RBFOX1: variants seen among roughly 807,000 people sequenced by gnomAD.
RBFOX1 encodes RNA binding protein fox-1 homolog 1.
Under a neutral mutation model 57.7 loss-of-function variants are expected in RBFOX1, and 8 were observed. The observed-to-expected ratio is 0.14, with a 90% confidence interval of 0.08 to 0.25. The LOEUF (loss-of-function observed/expected upper bound fraction) is 0.25. Ranked by LOEUF, RBFOX1 falls within the 10% of genes least tolerant of loss-of-function variation. RBFOX1 has a pLI of 1.00. For missense variants in RBFOX1, 611 were observed against 548.5 expected, an observed-to-expected ratio of 1.11 and a Z score of -1.14; for synonymous variants, 326 against 222.4, an observed-to-expected ratio of 1.47 and a Z score of -4.15.
intron 4 of RBFOX1, among the ~76,000 whole-genome samples, chr16:7,367,034 G>C (rs1456534738): frequency 6.6e-6 from 1 of 151,786 alleles, no homozygotes; most frequent in African/African-American, 2.4e-5. Context: ...TTTCTGGCTT[G>C]ATTCCCTCCC....
intron 5 of RBFOX1, among the ~76,000 whole-genome samples, chr16:7,557,013 A>G (rs562141877): frequency 1.2e-4 from 18 of 152,304 alleles, no homozygotes; most frequent in African/African-American, 4.3e-4. Flanking sequence ...TGAAACACCA[A>G]TTATATCAAT....
intron 3 of RBFOX1, among the ~76,000 whole-genome samples, chr16:6,890,746 T>G (rs905076867): frequency 1.3e-5 from 2 of 152,200 alleles, no homozygotes; most frequent in Non-Finnish European, 2.9e-5. Flanking sequence ...GTGCCTAAAT[T>G]CACTGTCACC....
intron 4 of RBFOX1, among the ~76,000 whole-genome samples, chr16:7,169,092 C>T (rs1256726615): frequency 6.6e-6 from 1 of 152,148 alleles, no homozygotes; most frequent in Non-Finnish European, 1.5e-5. Context: ...GCAAATCATT[C>T]AGTGTCTCAG....
intron 1 of RBFOX1, among the ~76,000 whole-genome samples, chr16:6,168,359 T>C (rs1016374302): frequency 6.6e-6 from 1 of 152,312 alleles, no homozygotes; most frequent in Non-Finnish European, 1.5e-5. Context: ...TTCTCTAGCT[T>C]AAGTATGAAC....
chr16:7,605,000 T>C (rs1568052233), intron 9 of RBFOX1, among the ~76,000 whole-genome samples: 1 of 152,168 alleles, frequency 6.6e-6, no homozygotes, highest in Admixed American at 6.5e-5. Context: ...TCATTTAATA[T>C]GACCCCATAT....
At chr16:6,143,820 G>T (rs2096737039) in intron 1 of RBFOX1, among the ~76,000 whole-genome samples, 1 of 151,982 alleles carries the variant, frequency 6.6e-6, no homozygotes, top group African/African-American at 2.4e-5. Flanking sequence ...TTTAGAGACA[G>T]GGTCTTGCTC....
At chr16:5,508,303 C>G (rs1164420816) in intron 2 of RBFOX1, among the ~76,000 whole-genome samples, 1 of 152,280 alleles carries the variant, frequency 6.6e-6, no homozygotes, top group Non-Finnish European at 1.5e-5. Context: ...GATCCACTGA[C>G]ATTGCTCAGG....
chr16:7,550,673 T>G (rs1190806526), intron 5 of RBFOX1, among the ~76,000 whole-genome samples: 1 of 152,114 alleles, frequency 6.6e-6, no homozygotes, highest in African/African-American at 2.4e-5. Context: ...GTACTATGCC[T>G]CTGGACGAAT....
chr16:5,632,829 G>A (rs541558645), intron 3 of RBFOX1, among the ~76,000 whole-genome samples: 66 of 152,248 alleles, frequency 4.3e-4, no homozygotes, highest in Non-Finnish European at 6.9e-4. Context: ...TATAAGCTGG[G>A]AGAACTGCAG....
At chr16:7,154,089 G>A (rs2076617275) in intron 4 of RBFOX1, among the ~76,000 whole-genome samples, 1 of 152,038 alleles carries the variant, frequency 6.6e-6, no homozygotes, top group Admixed American at 6.6e-5. Context: ...AACTTACAGG[G>A]GAATATTAGC....
At chr16:5,457,854 C>T (rs753082142) in intron 1 of RBFOX1, among the ~76,000 whole-genome samples, 68 of 152,244 alleles carry the variant, frequency 4.5e-4, no homozygotes, top group Non-Finnish European at 8.7e-4. Context: ...TTCTTTCTTC[C>T]CAGCAGATTT....
intron 4 of RBFOX1, among the ~76,000 whole-genome samples, chr16:7,120,730 A>C (rs1055094769): frequency 2.7e-5 from 4 of 150,426 alleles, no homozygotes; most frequent in African/African-American, 4.9e-5. Context: ...TCTCTTACAG[A>C]AAATAGAAGT....
At chr16:6,190,642 C>G (rs763779693) in intron 1 of RBFOX1, among the ~76,000 whole-genome samples, 1 of 152,098 alleles carries the variant, frequency 6.6e-6, no homozygotes, top group African/African-American at 2.4e-5. Flanking sequence ...TAACATTTTG[C>G]TTTTGGGGAA....
In RBFOX1 at chr16:6,722,491, G is replaced by A. The variant is rs1947504751; in HGVS notation, c.-16+67841G>A. 3.4e-5 allele frequency among the ~76,000 whole-genome samples: 5 copies of A among 146,330 alleles called. 1 individual carries two copies. The South Asian group carries it at 1.1e-3, about 31-fold the overall frequency. Reference sequence around the variant, plus strand: ...ATGAAAGCGGCATATTCCATTGATGGAATATTTACCATGTAGATAAATACT... The same window carrying A: ...ATGAAAGCGGCATATTCCATTGATGAAATATTTACCATGTAGATAAATACT... On this transcript the variant is annotated intron_variant, in intron 3 of 15. Coordinates refer to ENST00000550418, the MANE Select transcript of RBFOX1 (RefSeq NM_018723.4).
intron 1 of RBFOX1, among the ~76,000 whole-genome samples, chr16:5,353,016 G>C (rs1452878047): frequency 6.6e-6 from 1 of 152,066 alleles, no homozygotes; most frequent in Non-Finnish European, 1.5e-5. Context: ...TATTCTTTAT[G>C]GCTTAAAAAG....
intron 4 of RBFOX1, among the ~76,000 whole-genome samples, chr16:7,458,116 C>T (rs919795369): frequency 1.3e-5 from 2 of 152,160 alleles, no homozygotes; most frequent in African/African-American, 4.8e-5. Flanking sequence ...TTGCCGTATT[C>T]CAGTAAGTTG....
intron 4 of RBFOX1, among the ~76,000 whole-genome samples, chr16:5,883,187 AT>A (rs746269116): frequency 4.0e-5 from 6 of 151,252 alleles, no homozygotes; most frequent in Admixed American, 1.3e-4. Context: ...TTTAATAATA[AT>A]TTTTTTTTGC....
At chr16:7,564,949 G>T (rs2091319047) in intron 5 of RBFOX1, among the ~76,000 whole-genome samples, 1 of 152,162 alleles carries the variant, frequency 6.6e-6, no homozygotes, top group Non-Finnish European at 1.5e-5. Flanking sequence ...TCTTAAATCT[G>T]TGTCACCTGG....
At chr16:6,951,661 T>G (rs1452707050) in intron 3 of RBFOX1, among the ~76,000 whole-genome samples, 5 of 152,136 alleles carry the variant, frequency 3.3e-5, no homozygotes, top group African/African-American at 1.2e-4. Context: ...TAGTATCACT[T>G]TTGCCTCATG....
Sources: allele counts gnomAD v4.1 joint callset (sites outside exome capture counted in the v4.1 genomes callset), GRCh38; gene constraint gnomAD v4.1.1; transcripts MANE v1.5; gene names NCBI Gene and HGNC (gene_info 2026-07-23, HGNC 2026-07-21).